SREBF1: variants seen among roughly 807,000 people sequenced by gnomAD.
SREBF1 encodes sterol regulatory element-binding protein 1.
SREBF1 carries 45 observed loss-of-function variants against 100.1 expected under a neutral mutation model. That is an observed-to-expected ratio of 0.45 (90% CI 0.35 to 0.58). The LOEUF (loss-of-function observed/expected upper bound fraction) is 0.58. Among genes scored for constraint, SREBF1 ranks in the 20% least tolerant of loss-of-function variants. The pLI is 0.00. For synonymous variants in SREBF1, 657 were observed against 681.8 expected (o/e 0.96, Z 0.57); for missense variants, 1,324 against 1,539.4 (o/e 0.86, Z 2.34).
intron 1 of SREBF1, among the ~76,000 whole-genome samples, chr17:17,822,362 C>G (rs1405246584): frequency 2.6e-5 from 4 of 152,252 alleles, no homozygotes; most frequent in Admixed American, 6.5e-5. Context: ...GTTCTGGGCT[C>G]AAGTCCAGGC....
Position 17,815,346 on chromosome 17 carries a change from G to T in SREBF1, c.2384-17C>A. On this transcript the variant is annotated splice_polypyrimidine_tract_variant and intron_variant, in intron 12 of 18. Transcript: ENST00000261646. ...GGGGGTCCACTGTGGAGAGGAGGAG[G>T]TGAGTGGGGTGGGGAGCAGGGCCCC... 6.2e-7 allele frequency: 1 copy of T among 1,604,878 alleles called. No individual in the cohort carries two copies. Among genetic ancestry groups the T allele is most frequent in the Non-Finnish European group, 8.5e-7 (1 of 1,172,332 alleles).
In SREBF1 at chr17:17,813,711, T is replaced by C. The variant is rs553654626; in HGVS notation, c.2960A>G (p.Gln987Arg). 153 of 1,536,744 alleles carry C rather than the reference T, an allele frequency of 1.0e-4. 2 individuals carry two copies. The South Asian group carries it at 1.4e-3, about 14-fold the overall frequency. Residue 987 changes from glutamine (Q) to arginine (R), a missense_variant, in exon 17 of 19, where the codon CAG (glutamine) becomes CGG (arginine). Transcript: ENST00000261646. The stretch of plus-strand genomic sequence containing the variant: ...TGGGGCCGGGGCCGGGGGCTGCTGC[T>C]GCCGCCACAGGCTGGTGCGCACCAC... Reference protein sequence around the residue: ...LLVVRTSLWRQQQPPAPAPAA... With the variant: ...LLVVRTSLWRRQQPPAPAPAA...
rs1214707227 is a variant in SREBF1, at chr17:17,811,933, C to CAA, written c.*687_*688dup. On this transcript the variant is annotated 3_prime_UTR_variant, in exon 19 of 19. Coordinates refer to ENST00000261646, the MANE Select transcript of SREBF1 (RefSeq NM_004176.5). ...CAGCCCTCCCCACTCCTCCCACTAA[C>CAA]AAACAAACATCGGGAAGAGCTAAGT... 3 of 446,852 alleles carry CAA rather than the reference C, an allele frequency of 6.7e-6. No individual in the cohort carries two copies. The highest frequency in any genetic ancestry group is 6.1e-5 in the African/African-American group (3 of 49,174). The allele number at this position is 446,852 out of a possible 1,614,324, so 27.7% of individuals were successfully genotyped here. A position where few individuals can be genotyped will look rare whatever the true frequency, so the allele number is the denominator to read the frequency against.
rs781307821 is a variant in SREBF1, at chr17:17,811,963, AGTT to A, written c.*656_*658del. On this transcript the variant is annotated 3_prime_UTR_variant, in exon 19 of 19. Coordinates refer to ENST00000261646, the MANE Select transcript of SREBF1 (RefSeq NM_004176.5). Reference sequence around the variant, plus strand: ...AAACATCGGGAAGAGCTAAGTTAAAAGTTGTGTACCTTGTGGCCGGAGGGGGAG... The same window carrying A: ...AAACATCGGGAAGAGCTAAGTTAAAAGTGTACCTTGTGGCCGGAGGGGGAG... 4.9e-5 allele frequency: 22 copies of A among 447,490 alleles called. No homozygotes were observed. The highest frequency in any genetic ancestry group is 3.3e-4 in the South Asian group (21 of 63,038). 27.7% of individuals were successfully genotyped at this position (447,490 alleles called of 1,614,324 possible).
At chr17:17,823,508 C>T (rs753094126) in intron 1 of SREBF1, 1 of 1,609,108 alleles carries the variant, frequency 6.2e-7, no homozygotes, top group Non-Finnish European at 8.5e-7. Flanking sequence ...GGGGAGGCCT[C>T]CAAAAATACC....
intron 1 of SREBF1, 101 bp downstream of exon 1, chr17:17,836,626 G>T (rs1393992901): frequency 8.2e-7 from 1 of 1,225,926 alleles, no homozygotes; most frequent in Non-Finnish European, 1.1e-6. Context: ...AGCACAGCAC[G>T]GAGCTGGCGC....
In SREBF1 at chr17:17,836,860, T is replaced by A. The variant is rs1388420003; in HGVS notation, c.-43A>T. 2 of 1,502,202 alleles carry A rather than the reference T, an allele frequency of 1.3e-6. No individual in the cohort carries two copies. Among genetic ancestry groups the A allele is most frequent in the Non-Finnish European group, 1.8e-6 (2 of 1,128,396 alleles). 93.1% of individuals were successfully genotyped at this position (1,502,202 alleles called of 1,614,324 possible). ...CGGGAGGCCCGCCGGGCCCGCCGCC[T>A]CGTACGGCCCTTCCTAGGGAGCGCC... On this transcript the variant is annotated 5_prime_UTR_variant, in exon 1 of 19. Coordinates refer to ENST00000261646, the MANE Select transcript of SREBF1 (RefSeq NM_004176.5).
intron 1 of SREBF1, among the ~76,000 whole-genome samples, chr17:17,821,422 G>T (rs2034093500): frequency 6.6e-6 from 1 of 152,154 alleles, no homozygotes; most frequent in African/African-American, 2.4e-5. Context: ...TGGAGATGGG[G>T]ATGGGGAGGG....
At position 17,814,766 on chromosome 17, in the gene SREBF1, C is replaced by A. The variant is rs1346679331; in HGVS notation, c.2603-19G>T. On this transcript the variant is annotated intron_variant, in intron 14 of 18. Coordinates refer to ENST00000261646, the MANE Select transcript of SREBF1 (RefSeq NM_004176.5). ...TCTACGCCTGCAGAAGAGGGAGGGT[C>A]CCCTGAACCCTCAGTCACGCTGCAC... is the stretch of plus-strand genomic sequence containing the variant. 1.2e-6 allele frequency: 2 copies of A among 1,611,242 alleles called. No homozygotes were observed. The highest frequency in any genetic ancestry group is 1.7e-5 in the Admixed American group (1 of 59,870).
At chr17:17,829,887 G>T (rs1055170960) in intron 1 of SREBF1, among the ~76,000 whole-genome samples, 2 of 150,466 alleles carry the variant, frequency 1.3e-5, no homozygotes, top group South Asian at 2.1e-4. Context: ...CGATCCCCCT[G>T]CCTCAGCCTC....
intron 1 of SREBF1, among the ~76,000 whole-genome samples, chr17:17,828,872 C>A (rs1410298267): frequency 3.9e-5 from 6 of 151,902 alleles, no homozygotes; most frequent in African/African-American, 1.5e-4. Flanking sequence ...TGTGATTGTG[C>A]CATGGTATTC....
intron 1 of SREBF1, among the ~76,000 whole-genome samples, chr17:17,830,740 A>G (rs1204134412): frequency 6.6e-6 from 1 of 152,116 alleles, no homozygotes; most frequent in African/African-American, 2.4e-5. Context: ...CAGGGGACCC[A>G]CACCTGGAGC....
rs761191463 is a variant in SREBF1, at chr17:17,817,247, C to G, written c.1606+9G>C. The G allele has an allele frequency of 6.2e-7, 1 of 1,607,744 alleles. No individual in the cohort carries two copies. The stretch of plus-strand genomic sequence containing the variant: ...CCCTCCCAAAGATGCCCAGGCTGGC[C>G]GGTCCCACCTCTGCTCTCGGTGCCC... On this transcript the variant is annotated intron_variant, in intron 8 of 18. Coordinates refer to ENST00000261646, the MANE Select transcript of SREBF1 (RefSeq NM_004176.5). The surrounding 1 kb of genome is among the most constrained non-coding windows in gnomAD (Gnocchi z 6.6).
In SREBF1 at chr17:17,812,109, A is replaced by G. The variant is rs1446007728; in HGVS notation, c.*513T>C. ...TAATTTCATTTTTAATTCTCTGTAC[A>G]AAACTTCTCAATCTATGAAAATAAA... is the stretch of plus-strand genomic sequence containing the variant. On this transcript the variant is annotated 3_prime_UTR_variant, in exon 19 of 19. Coordinates refer to ENST00000261646, the MANE Select transcript of SREBF1 (RefSeq NM_004176.5). 4.7e-6 allele frequency: 2 copies of G among 427,286 alleles called. No individual in the cohort carries two copies. Among genetic ancestry groups the G allele is most frequent in the Non-Finnish European group, 9.1e-6 (2 of 220,792 alleles). 26.5% of individuals were successfully genotyped at this position (427,286 alleles called of 1,614,324 possible).
intron 6 of SREBF1, 88 bp downstream of exon 6, chr17:17,818,172 G>T (rs1163364787): frequency 1.2e-5 from 14 of 1,126,194 alleles, no homozygotes; most frequent in Non-Finnish European, 1.9e-5. Context: ...AACCAAGGGT[G>T]GGGTGGGGCT....
rs774798173 is a variant in SREBF1 at position 17,816,466 on chromosome 17, G to A, written c.2038C>T (p.His680Tyr). 1.9e-6 allele frequency: 3 copies of A among 1,605,782 alleles called. No individual in the cohort carries two copies. Among genetic ancestry groups the A allele is most frequent in the Non-Finnish European group, 2.5e-6 (3 of 1,177,034 alleles). The change falls in exon 10 of 19, where the codon CAC (histidine) becomes TAC (tyrosine). Residue 680 changes from histidine to tyrosine, a missense_variant. His to Tyr is a moderately conservative substitution (Grantham distance 83). Transcript: ENST00000261646. ...CCACGCTCAGTCCTACCCATGGTGT[G>A]CAGCTGGTGCAGCTTATGGTAGACC... ...ALVYHKLHQL[H>Y]TMGKHTGGHL...
In SREBF1 at chr17:17,829,847, C is replaced by T. The variant is rs948261556; in HGVS notation, c.91+6880G>A. 3.9e-5 allele frequency among the ~76,000 whole-genome samples: 6 copies of T among 152,340 alleles called. No homozygotes were observed. The East Asian group carries it at 1.2e-3, about 29-fold the overall frequency. ...TTTAGTTTGGGTCTCACAATGTTGC[C>T]CAGGCTGGTCTTGAACTCCCAGACT... is the stretch of plus-strand genomic sequence containing the variant. On this transcript the variant is annotated intron_variant, in intron 1 of 18. Transcript: ENST00000261646.
chr17:17,832,257 G>T (rs961816704), intron 1 of SREBF1, among the ~76,000 whole-genome samples: 3 of 152,164 alleles, frequency 2.0e-5, no homozygotes, highest in African/African-American at 7.2e-5. Flanking sequence ...GGGTTGTCAG[G>T]GGATTAAGTG....
At position 17,811,870 on chromosome 17, in the gene SREBF1, G is replaced by A. The variant is rs2143008226; in HGVS notation, c.*752C>T. On this transcript the variant is annotated 3_prime_UTR_variant, in exon 19 of 19. Coordinates refer to ENST00000261646, the MANE Select transcript of SREBF1 (RefSeq NM_004176.5). ...TTGACACAGCCCAACCATGTGCCCT[G>A]GGAGCAGGGGGAACAGGTAGGCTGG... The A allele has an allele frequency of 4.6e-6, 2 of 434,208 alleles. No individual in the cohort carries two copies. The highest frequency in any genetic ancestry group is 7.4e-5 in the East Asian group (1 of 13,540). The allele number at this position is 434,208 out of a possible 1,614,324, so 26.9% of individuals were successfully genotyped here.
Sources: gnomAD v4.1 joint callset for allele counts (sites outside exome capture counted in the v4.1 genomes callset) on GRCh38, gnomAD v4.1.1 for gene constraint, Gnocchi (gnomAD v3.1) non-coding constraint, MANE v1.5 for transcripts, NCBI Gene and HGNC (gene_info 2026-07-23, HGNC 2026-07-21) for gene names.